The following RBFOX1 variants were observed in gnomAD, a reference collection of about 807,000 sequenced individuals.
The protein encoded by RBFOX1 is RNA binding protein fox-1 homolog 1.
Under a neutral mutation model 57.7 loss-of-function variants are expected in RBFOX1, and 8 were observed. The observed-to-expected ratio is 0.14, with a 90% CI of 0.08 to 0.25. The LOEUF (loss-of-function observed/expected upper bound fraction) is 0.25. Ranked by LOEUF, RBFOX1 falls within the 10% of genes least tolerant of loss-of-function variation. The pLI is 1.00. For missense variants in RBFOX1, 611 were observed against 548.5 expected (o/e 1.11, Z -1.14); for synonymous variants, 326 against 222.4 (o/e 1.47, Z -4.15).
At chr16:6,113,329 C>G (rs1333233237) in intron 1 of RBFOX1, among the ~76,000 whole-genome samples, 1 of 152,134 alleles carries the variant, frequency 6.6e-6, no homozygotes, top group Non-Finnish European at 1.5e-5. Context: ...AGTTATGTGG[C>G]CAAATCCAAG....
intron 2 of RBFOX1, among the ~76,000 whole-genome samples, chr16:6,320,121 TAAG>T (rs935741217): frequency 2.6e-5 from 4 of 152,134 alleles, no homozygotes; most frequent in Non-Finnish European, 5.9e-5. Flanking sequence ...AGGGTACAGA[TAAG>T]AAGAAGGTGG....
chr16:6,804,019 T>TC (rs2086116748), intron 3 of RBFOX1, among the ~76,000 whole-genome samples: 1 of 152,034 alleles, frequency 6.6e-6, no homozygotes, highest in African/African-American at 2.4e-5. Flanking sequence ...CAATTTTTTT[T>TC]TTTTCGAGAT....
intron 4 of RBFOX1, among the ~76,000 whole-genome samples, chr16:7,378,985 G>A (rs922408146): frequency 7.9e-5 from 12 of 152,218 alleles, no homozygotes; most frequent in Non-Finnish European, 1.5e-4. Context: ...GAATCTGGTG[G>A]ACTGCAAGCT....
intron 1 of RBFOX1, among the ~76,000 whole-genome samples, chr16:5,458,900 G>T (rs1026189064): frequency 7.9e-5 from 12 of 152,174 alleles, no homozygotes; most frequent in African/African-American, 2.9e-4. Context: ...CTCTGCTAAT[G>T]GATCTCATAG....
intron 1 of RBFOX1, among the ~76,000 whole-genome samples, chr16:5,403,368 CAAAA>C (rs1188182295): frequency 8.6e-6 from 1 of 116,254 alleles, no homozygotes; most frequent in Non-Finnish European, 1.9e-5. Flanking sequence ...AAAAAAAAAA[CAAAA>C]AACAAACAAA....
chr16:6,571,709 C>T (rs1038961543), intron 2 of RBFOX1, among the ~76,000 whole-genome samples: 3 of 152,062 alleles, frequency 2.0e-5, no homozygotes, highest in Non-Finnish European at 4.4e-5. Flanking sequence ...AAGGATCAGT[C>T]AGGAAATATT....
At chr16:5,569,308 G>A (rs895258116) in intron 2 of RBFOX1, among the ~76,000 whole-genome samples, 1 of 152,058 alleles carries the variant, frequency 6.6e-6, no homozygotes, top group African/African-American at 2.4e-5. Flanking sequence ...CAAATTTGAA[G>A]CTTGGTTCTG....
intron 4 of RBFOX1, among the ~76,000 whole-genome samples, chr16:7,173,623 G>A (rs67850321): frequency 0.18 from 26,681 of 152,018 alleles, 3,336 homozygotes; most frequent in East Asian, 0.42. Flanking sequence ...AAACACCAGG[G>A]AAAGAGCAGT....
At chr16:7,144,025 A>C (rs2074387358) in intron 4 of RBFOX1, among the ~76,000 whole-genome samples, 2 of 152,150 alleles carry the variant, frequency 1.3e-5, no homozygotes, top group African/African-American at 4.8e-5. Flanking sequence ...GTTCCTGTGT[A>C]GTTTTCAAGG....
chr16:7,273,114 CTCTCCCTCCCTTTCCTCCTTCCCTG>C (rs1157301777), intron 4 of RBFOX1, among the ~76,000 whole-genome samples: 5 of 123,382 alleles, frequency 4.1e-5, no homozygotes, highest in African/African-American at 9.8e-5. Flanking sequence ...CTCCTTCCCT[CTCTCCCTCCCTTTCCTCCTTCCCTG>C]CTTCCTTCTT....
chr16:6,800,692 C>G (rs921780126), intron 3 of RBFOX1, among the ~76,000 whole-genome samples: 2 of 151,920 alleles, frequency 1.3e-5, no homozygotes, highest in South Asian at 4.2e-4. Context: ...GGAGTAGGCC[C>G]GTGGACGTTC....
At chr16:7,108,580 G>C (rs1030615935) in intron 4 of RBFOX1, among the ~76,000 whole-genome samples, 1 of 152,112 alleles carries the variant, frequency 6.6e-6, no homozygotes, top group Non-Finnish European at 1.5e-5. Flanking sequence ...TTGTGTTTGC[G>C]TATGGTTCAG....
chr16:7,392,957 T>C (rs8054979), intron 4 of RBFOX1, among the ~76,000 whole-genome samples: 12,318 of 152,020 alleles, frequency 0.081, 536 homozygotes, highest in East Asian at 0.2. Flanking sequence ...CACTGCAACC[T>C]CCGCCTCCCA....
intron 3 of RBFOX1, among the ~76,000 whole-genome samples, chr16:6,888,170 A>G (rs896189365): frequency 6.6e-6 from 1 of 152,182 alleles, no homozygotes; most frequent in Non-Finnish European, 1.5e-5. Context: ...AGTAGTTGTG[A>G]CATTTTGAAC....
intron 3 of RBFOX1, among the ~76,000 whole-genome samples, chr16:5,715,458 C>A (rs984208590): frequency 2.0e-5 from 3 of 152,206 alleles, no homozygotes; most frequent in Non-Finnish European, 4.4e-5. Context: ...CTCGAAATAT[C>A]TTCTTCAAGG....
chr16:6,887,539 A>G (rs1171045432), intron 3 of RBFOX1, among the ~76,000 whole-genome samples: 1 of 151,144 alleles, frequency 6.6e-6, no homozygotes, highest in African/African-American at 2.4e-5. Flanking sequence ...ATATCTGTTT[A>G]TAGACACAAA....
At chr16:5,709,626 C>G (rs1258582360) in intron 3 of RBFOX1, among the ~76,000 whole-genome samples, 2 of 150,812 alleles carry the variant, frequency 1.3e-5, no homozygotes, top group African/African-American at 4.9e-5. Context: ...CTAGGTGTGT[C>G]AGGCACTTGT....
chr16:6,132,196 T>C (rs897772494), intron 1 of RBFOX1, among the ~76,000 whole-genome samples: 2 of 152,214 alleles, frequency 1.3e-5, no homozygotes, highest in African/African-American at 2.4e-5. Flanking sequence ...GATTTCACGA[T>C]CATGGGGGAC....
intron 3 of RBFOX1, among the ~76,000 whole-genome samples, chr16:5,682,004 A>G (rs1341889728): frequency 1.3e-5 from 2 of 152,078 alleles, no homozygotes; most frequent in African/African-American, 2.4e-5. Flanking sequence ...AATGCGTAAT[A>G]TATATATGAG....
Sources: allele counts gnomAD v4.1 joint callset (sites outside exome capture counted in the v4.1 genomes callset), GRCh38; gene constraint gnomAD v4.1.1; transcripts MANE v1.5; gene names NCBI Gene and HGNC (gene_info 2026-07-23, HGNC 2026-07-21).